Variants in C5orf47 observed in about 807,000 individuals in gnomAD.
The protein encoded by C5orf47 is uncharacterized protein C5orf47.
Under a neutral mutation model 20.6 loss-of-function variants are expected in C5orf47, and 20 were observed. The ratio of observed to expected loss-of-function variants is 0.97; its 90% CI spans 0.68 to 1.41. C5orf47 has a LOEUF of 1.41. Ranked by LOEUF, C5orf47 falls within the 40% of genes most tolerant of loss-of-function variation. C5orf47 has a pLI of 0.00. For synonymous variants in C5orf47, 106 were observed against 97.3 expected (o/e 1.09, Z -0.53); for missense variants, 262 against 238.4 (o/e 1.10, Z -0.65).
chr5:173,990,123 CAA>C (rs1758963117), intron 1 of C5orf47, among the ~76,000 whole-genome samples: 3 of 137,728 alleles, frequency 2.2e-5, no homozygotes, highest in Admixed American at 1.7e-4. Flanking sequence ...TATAGGAAGC[CAA>C]TTTTTTTTTT....
At chr5:173,995,310 G>C (rs1368350934) in intron 1 of C5orf47, among the ~76,000 whole-genome samples, 1 of 152,106 alleles carries the variant, frequency 6.6e-6, no homozygotes, top group Non-Finnish European at 1.5e-5. Context: ...ATATAAACTA[G>C]TAGATATGAG....
At chr5:174,001,639 T>A (rs971771970) in intron 4 of C5orf47, among the ~76,000 whole-genome samples, 11 of 152,146 alleles carry the variant, frequency 7.2e-5, no homozygotes, top group African/African-American at 2.2e-4. Flanking sequence ...ACTGCTCCTT[T>A]TTATGTCTTA....
Position 173,989,263 on chromosome 5 carries a change from G to A in C5orf47, c.-1G>A, listed in dbSNP as rs779833133. ...CCCGGCTGCCGTTGACTGAGGCTGC[G>A]ATGGCGGCGGCAGGCCGGGGTCGGG... On this transcript the variant is annotated 5_prime_UTR_variant, in exon 1 of 5. Coordinates refer to ENST00000340147, the MANE Select transcript of C5orf47 (RefSeq NM_001144954.2). The A allele has an allele frequency of 1.2e-5, 16 of 1,382,724 alleles. No homozygotes were observed. The highest frequency in any genetic ancestry group is 1.2e-5 in the Non-Finnish European group (13 of 1,065,882). 85.7% of individuals were successfully genotyped at this position (1,382,724 alleles called of 1,614,324 possible). A position where few individuals can be genotyped will look rare whatever the true frequency, so the allele number is the denominator to read the frequency against.
At chr5:173,993,221 T>C (rs1349140572) in intron 1 of C5orf47, among the ~76,000 whole-genome samples, 1 of 152,240 alleles carries the variant, frequency 6.6e-6, no homozygotes, top group Non-Finnish European at 1.5e-5. Context: ...AATGTTTTTT[T>C]CTCATTTTAC....
chr5:173,993,745 G>A (rs908804917), intron 1 of C5orf47, among the ~76,000 whole-genome samples: 7 of 152,116 alleles, frequency 4.6e-5, no homozygotes, highest in Non-Finnish European at 8.8e-5. Flanking sequence ...AAAATCTCAA[G>A]TTGAAAAATA....
intron 4 of C5orf47, among the ~76,000 whole-genome samples, chr5:174,002,844 T>C (rs1206428266): frequency 6.6e-6 from 1 of 152,218 alleles, no homozygotes; most frequent in Admixed American, 6.5e-5. Context: ...CTGTTTGGTC[T>C]TCCTTAATCT....
chr5:173,991,003 A>C (rs1166744820), intron 1 of C5orf47, among the ~76,000 whole-genome samples: 1 of 152,210 alleles, frequency 6.6e-6, no homozygotes. Context: ...TATCCGTTAA[A>C]CATTGCTCAC....
Position 173,989,246 on chromosome 5 carries a change from C to T in C5orf47, c.-18C>T, listed in dbSNP as rs576864339. On this transcript the variant is annotated 5_prime_UTR_variant, in exon 1 of 5. Coordinates refer to ENST00000340147, the MANE Select transcript of C5orf47 (RefSeq NM_001144954.2). ...GTCGTGTTTGCTGAGGGCCCGGCTG[C>T]CGTTGACTGAGGCTGCGATGGCGGC... 114 of 1,380,068 alleles carry T rather than the reference C, an allele frequency of 8.3e-5. No individual in the cohort carries two copies. The highest frequency in any genetic ancestry group is 5.6e-4 in the Middle Eastern group (3 of 5,314). The allele number at this position is 1,380,068 out of a possible 1,614,324, so 85.5% of individuals were successfully genotyped here. A position where few individuals can be genotyped will look rare whatever the true frequency, so the allele number is the denominator to read the frequency against.
Position 173,989,179 on chromosome 5 carries a change from C to G in C5orf47, c.-85C>G, listed in dbSNP as rs1277222615. 15 of 1,249,272 alleles carry G rather than the reference C, an allele frequency of 1.2e-5. No homozygotes were observed. The East Asian group carries it at 3.8e-4, about 31-fold the overall frequency. The allele number at this position is 1,249,272 out of a possible 1,614,324, so 77.4% of individuals were successfully genotyped here. On this transcript the variant is annotated 5_prime_UTR_variant, in exon 1 of 5. Coordinates refer to ENST00000340147, the MANE Select transcript of C5orf47 (RefSeq NM_001144954.2). ...AGGGTGGTCTGGCCCTAACCGCTCC[C>G]GCATCCCTCGCCTGCACAGTGGGCA...
At chr5:174,007,554 C>T (rs1044412469), downstream of C5orf47, among the ~76,000 whole-genome samples, 11 of 144,632 alleles carry the variant, frequency 7.6e-5, no homozygotes, top group South Asian at 2.2e-4. Flanking sequence ...TGTTAACTCT[C>T]CTACCTTTTT....
In C5orf47 at chr5:173,989,355, A is replaced by G; in HGVS notation, c.92A>G (p.Gln31Arg). The stretch of plus-strand genomic sequence containing the variant: ...TCGCATCAGTGCAGTGGCGTCCTGC[A>G]ACTGGGCGGCCGTGGAGCTCAAGGC... ...FGSHQCSGVL[Q>R]LGGRGAQGLW... The change falls in exon 1 of 5, where the codon CAA becomes CGA. Residue 31 changes from glutamine (Q) to arginine (R), a missense_variant. Physicochemically the swap from Gln to Arg is conservative, Grantham distance 43. Transcript: ENST00000340147. The G allele has an allele frequency of 6.6e-7, 1 of 1,507,360 alleles. No individual in the cohort carries two copies. The highest frequency in any genetic ancestry group is 8.9e-7 in the Non-Finnish European group (1 of 1,124,102). 93.4% of individuals were successfully genotyped at this position (1,507,360 alleles called of 1,614,324 possible).
At chr5:174,001,413 T>C (rs780298059) in intron 4 of C5orf47, among the ~76,000 whole-genome samples, 182 bp downstream of exon 4, 101 of 152,212 alleles carry the variant, frequency 6.6e-4, no homozygotes, top group Non-Finnish European at 1.1e-3. Context: ...CCTTTAAAAC[T>C]TCATTTGGGC....
At chr5:174,000,289 A>G (rs1241943356) in intron 3 of C5orf47, among the ~76,000 whole-genome samples, 1 of 152,076 alleles carries the variant, frequency 6.6e-6, no homozygotes, top group African/African-American at 2.4e-5. Flanking sequence ...TTCCTGGAAA[A>G]CAACTCATGA....
chr5:173,999,869 C>G (rs139337644), intron 3 of C5orf47, 70 bp downstream of exon 3: 102 of 752,868 alleles, frequency 1.4e-4, no homozygotes, highest in South Asian at 2.1e-4. Flanking sequence ...CCTGGGATTG[C>G]ATGAGATCAG....
downstream of C5orf47, among the ~76,000 whole-genome samples, chr5:174,007,119 A>G (rs1759304629): frequency 6.7e-6 from 1 of 149,260 alleles, no homozygotes; most frequent in South Asian, 2.1e-4. Flanking sequence ...TGGGTGTATA[A>G]TTGGAATTGA....
intron 1 of C5orf47, among the ~76,000 whole-genome samples, chr5:173,997,072 A>G (rs969811463): frequency 6.6e-6 from 1 of 152,248 alleles, no homozygotes; most frequent in Non-Finnish European, 1.5e-5. Flanking sequence ...TACTTATTGT[A>G]TAGCTGATAT....
At chr5:174,000,116 C>T (rs923605840) in intron 3 of C5orf47, among the ~76,000 whole-genome samples, 24 of 152,016 alleles carry the variant, frequency 1.6e-4, no homozygotes, top group African/African-American at 5.8e-4. Context: ...ATACAAGTTA[C>T]GAAGCTCATC....
At position 173,995,047 on chromosome 5, in the gene C5orf47, A is replaced by C. The variant is rs150401203; in HGVS notation, c.326-3106A>C. 4.6e-3 allele frequency among the ~76,000 whole-genome samples: 708 copies of C among 152,280 alleles called. 5 individuals carry two copies. The highest frequency in any genetic ancestry group is 0.019 in the South Asian group (94 of 4,822). On this transcript the variant is annotated intron_variant, in intron 1 of 4. Coordinates refer to ENST00000340147, the MANE Select transcript of C5orf47 (RefSeq NM_001144954.2). ...AGGCTGGTCTTGAACTCCTGAGCTCAGGTGATCCACCTACCTTGGCCTCCC... is the reference window on the plus strand; with the variant it reads ...AGGCTGGTCTTGAACTCCTGAGCTCCGGTGATCCACCTACCTTGGCCTCCC...
Position 174,000,213 on chromosome 5 carries a change from A to G in C5orf47, c.511+414A>G, listed in dbSNP as rs1201451441. Among the ~76,000 whole-genome samples the G allele has an allele frequency of 4.6e-5, 7 of 152,266 alleles. No individual in the cohort carries two copies. The East Asian group carries it at 9.6e-4, about 21-fold the overall frequency. ...TAGTCATTTCCTCTCCATGGAAGCT[A>G]CATTCCTACTTAATGCATTTAACAA... On this transcript the variant is annotated intron_variant, in intron 3 of 4. Transcript: ENST00000340147.
Sources: gnomAD v4.1 joint callset for allele counts (sites outside exome capture counted in the v4.1 genomes callset) on GRCh38, gnomAD v4.1.1 for gene constraint, MANE v1.5 for transcripts, NCBI Gene and HGNC (gene_info 2026-07-23, HGNC 2026-07-21) for gene names.